The following RERE variants were observed in gnomAD, a reference collection of about 807,000 sequenced individuals.
RERE encodes the protein arginine-glutamic acid dipeptide repeats protein.
A neutral mutation model predicts 146.1 loss-of-function variants in RERE; 40 were observed. The ratio of observed to expected loss-of-function variants is 0.27; its 90% CI spans 0.21 to 0.36. RERE has a LOEUF of 0.36. Ranked by LOEUF, RERE falls within the 10% of genes least tolerant of loss-of-function variation. The probability of loss-of-function intolerance (pLI) is 1.00; values close to 1 mark genes in which losing one functional copy is unlikely to be tolerated. For missense variants in RERE, 1,933 were observed against 2,138.7 expected, an observed-to-expected ratio of 0.90 and a Z score of 1.90; for synonymous variants, 1,003 against 866.0, an observed-to-expected ratio of 1.16 and a Z score of -2.78.
intron 1 of RERE, among the ~76,000 whole-genome samples, chr1:8,806,172 T>C (rs144461162): frequency 6.6e-6 from 1 of 152,224 alleles, no homozygotes; most frequent in African/African-American, 2.4e-5. Flanking sequence ...TTTTTGATTA[T>C]TCAAATAACT....
At chr1:8,651,445 T>C (rs1361989536) in intron 2 of RERE, among the ~76,000 whole-genome samples, 1 of 152,138 alleles carries the variant, frequency 6.6e-6, no homozygotes, top group African/African-American at 2.4e-5. Flanking sequence ...AGATATCCTT[T>C]ACAACATTCT....
At chr1:8,708,233 A>T (rs1639595196) in intron 1 of RERE, among the ~76,000 whole-genome samples, 2 of 152,200 alleles carry the variant, frequency 1.3e-5, no homozygotes. Context: ...TAACTGAATC[A>T]TGGGGGCAGG....
At chr1:8,501,250 G>A (rs1645147202) in intron 8 of RERE, among the ~76,000 whole-genome samples, 1 of 143,278 alleles carries the variant, frequency 7.0e-6, no homozygotes, top group Admixed American at 6.8e-5. Flanking sequence ...CGTCCGGGAG[G>A]TGAGGGGCGC....
chr1:8,443,982 G>A (rs995298667), intron 11 of RERE, among the ~76,000 whole-genome samples: 7 of 152,224 alleles, frequency 4.6e-5, no homozygotes, highest in Non-Finnish European at 1.0e-4. Context: ...GTGTAGAGGG[G>A]AAATGTGGGG....
chr1:8,503,117 A>AATAAATAG, intron 8 of RERE, among the ~76,000 whole-genome samples: 1 of 151,666 alleles, frequency 6.6e-6, no homozygotes, highest in East Asian at 1.9e-4. Flanking sequence ...TAAATAAATA[A>AATAAATAG]ATAAATAAAT....
intron 10 of RERE, among the ~76,000 whole-genome samples, chr1:8,477,551 C>T (rs1644772111): frequency 6.6e-6 from 1 of 152,140 alleles, no homozygotes; most frequent in African/African-American, 2.4e-5. Flanking sequence ...TGGAGGATGA[C>T]ATAAAAACCA....
chr1:8,616,094 C>T (rs1646849468), intron 3 of RERE, among the ~76,000 whole-genome samples: 2 of 152,116 alleles, frequency 1.3e-5, no homozygotes, highest in Non-Finnish European at 2.9e-5. Flanking sequence ...ATATTTTTTG[C>T]CAGAAGCATC....
chr1:8,548,368 T>C (rs907613822), intron 6 of RERE, among the ~76,000 whole-genome samples: 2 of 151,740 alleles, frequency 1.3e-5, no homozygotes, highest in Non-Finnish European at 2.9e-5. Flanking sequence ...AAATAAACAG[T>C]CCAGGTCAAC....
In RERE at chr1:8,602,348, G is replaced by A. The variant is rs1052297838; in HGVS notation, c.522+12213C>T. 7.3e-5 allele frequency among the ~76,000 whole-genome samples: 11 copies of A among 150,448 alleles called. 1 individual carries two copies. Among genetic ancestry groups the A allele is most frequent in the Non-Finnish European group, 1.5e-4 (10 of 67,744 alleles). ...GAACGCTGCAGTGAGCTGAGACTGCGCCACTGCACTCCAGCCTGGTGACAA... is the reference window on the plus strand; with the variant it reads ...GAACGCTGCAGTGAGCTGAGACTGCACCACTGCACTCCAGCCTGGTGACAA... On this transcript the variant is annotated intron_variant, in intron 4 of 22. Coordinates refer to ENST00000400908, the MANE Select transcript of RERE (RefSeq NM_001042681.2).
At chr1:8,476,123 G>A (rs976199637) in intron 10 of RERE, among the ~76,000 whole-genome samples, 3 of 152,186 alleles carry the variant, frequency 2.0e-5, no homozygotes, top group Non-Finnish European at 4.4e-5. Context: ...GAAAGGAGGG[G>A]GTCGCAACAT....
chr1:8,775,436 T>C (rs1641046673), intron 1 of RERE, among the ~76,000 whole-genome samples: 1 of 151,998 alleles, frequency 6.6e-6, no homozygotes, highest in Non-Finnish European at 1.5e-5. Flanking sequence ...AAATAAAAAT[T>C]AGCCAGATGT....
At chr1:8,564,154 G>A (rs1238232580) in intron 4 of RERE, among the ~76,000 whole-genome samples, 1 of 152,206 alleles carries the variant, frequency 6.6e-6, no homozygotes, top group East Asian at 1.9e-4. Flanking sequence ...GACTTCAAGG[G>A]AGAAGGGTAG....
At chr1:8,740,570 T>G (rs1640287786) in intron 1 of RERE, among the ~76,000 whole-genome samples, 1 of 152,246 alleles carries the variant, frequency 6.6e-6, no homozygotes, top group Admixed American at 6.5e-5. Context: ...TCTTAACAAC[T>G]CAGCTTAAAA....
chr1:8,657,972 AT>A (rs1361691793), intron 1 of RERE, among the ~76,000 whole-genome samples: 1 of 152,202 alleles, frequency 6.6e-6, no homozygotes, highest in East Asian at 1.9e-4. Flanking sequence ...GGTATCCCTA[AT>A]AAAGTACTCC....
At chr1:8,623,185 G>GT (rs1213800973) in intron 3 of RERE, among the ~76,000 whole-genome samples, 1 of 152,160 alleles carries the variant, frequency 6.6e-6, no homozygotes, top group African/African-American at 2.4e-5. Context: ...GGTAGCTCAC[G>GT]TTTGTAATCC....
Position 8,465,983 on chromosome 1 carries a change from C to A in RERE, c.1145G>T (p.Arg382Leu). 6.2e-7 allele frequency: 1 copy of A among 1,613,752 alleles called. No individual in the cohort carries two copies. The highest frequency in any genetic ancestry group is 1.3e-5 in the African/African-American group (1 of 75,046). ...CTTGGGCACAGGCTTCTTCACCAGG[C>A]GCTGCAGGGCTTTGCCAGCATCGTA... ...SGYDAGKALQ[R>L]LVKKPVPKLI... Residue 382 changes from arginine (R) to leucine (L), a missense_variant, in exon 11 of 23, where the codon CGC becomes CTC. Physicochemically the swap from Arg to Leu is moderately radical, Grantham distance 102 (BLOSUM62 -2). This residue lies in a region of RERE where 260 missense variants were observed against 378.4 expected (regional missense o/e 0.69). Coordinates refer to ENST00000400908, the MANE Select transcript of RERE (RefSeq NM_001042681.2).
At chr1:8,416,094 C>T (rs769766127) in intron 12 of RERE, among the ~76,000 whole-genome samples, 1 of 152,174 alleles carries the variant, frequency 6.6e-6, no homozygotes, top group Non-Finnish European at 1.5e-5. Context: ...ACTATGTAAA[C>T]TTCAGTTAAC....
At chr1:8,624,984 C>T (rs1310614897) in intron 2 of RERE, among the ~76,000 whole-genome samples, 2 of 152,136 alleles carry the variant, frequency 1.3e-5, no homozygotes, top group Admixed American at 6.5e-5. Flanking sequence ...AAAAACAATG[C>T]CACTAATCAG....
intron 4 of RERE, among the ~76,000 whole-genome samples, chr1:8,560,461 A>G (rs1557686987): frequency 1.3e-5 from 2 of 152,194 alleles, no homozygotes; most frequent in Non-Finnish European, 2.9e-5. Context: ...ACCTGGTTCG[A>G]GCACTACAGG....
Sources: allele counts gnomAD v4.1 joint callset (sites outside exome capture counted in the v4.1 genomes callset), GRCh38; gene constraint gnomAD v4.1.1; regional missense constraint gnomAD v4.1.1; transcripts MANE v1.5; gene names NCBI Gene and HGNC (gene_info 2026-07-23, HGNC 2026-07-21).